Variants in GNE observed in about 807,000 individuals in gnomAD.
GNE encodes the protein bifunctional UDP-N-acetylglucosamine 2-epimerase/N-acetylmannosamine kinase.
GNE carries 41 observed loss-of-function variants against 61.8 expected under a neutral mutation model. The ratio of observed to expected loss-of-function variants is 0.66; its 90% CI spans 0.52 to 0.86. The LOEUF (loss-of-function observed/expected upper bound fraction) is 0.86, where lower values mean the gene tolerates loss of function less well. Ranked by LOEUF, GNE falls within the 40% of genes least tolerant of loss-of-function variation. GNE has a pLI of 0.00. For missense variants in GNE, 608 were observed against 909.1 expected, an observed-to-expected ratio of 0.67 and a Z score of 4.26; for synonymous variants, 264 against 326.4, an observed-to-expected ratio of 0.81 and a Z score of 2.06.
chr9:36,266,648 G>A (rs1830803084), intron 1 of GNE, among the ~76,000 whole-genome samples: 1 of 152,138 alleles, frequency 6.6e-6, no homozygotes, highest in East Asian at 1.9e-4. Flanking sequence ...GGTGGCTCAC[G>A]CCTGTAATCC....
intron 7 of GNE, among the ~76,000 whole-genome samples, chr9:36,224,305 A>G (rs527606715): frequency 6.6e-6 from 1 of 152,080 alleles, no homozygotes; most frequent in South Asian, 2.1e-4. Context: ...ATGTTGGCAC[A>G]TGCCTGTAGT....
intron 5 of GNE, 32 bp from the exon 6 acceptor site, chr9:36,229,140 T>G: frequency 8.5e-7 from 1 of 1,178,082 alleles, no homozygotes. Context: ...TTACAAGGAT[T>G]TGGAAGTGGG....
At chr9:36,225,974 T>C (rs910812844) in intron 7 of GNE, among the ~76,000 whole-genome samples, 2 of 152,156 alleles carry the variant, frequency 1.3e-5, no homozygotes, top group Admixed American at 6.6e-5. Flanking sequence ...TGTTTTACCC[T>C]ATCAATAATC....
At chr9:36,233,572 C>G (rs1829266441) in intron 5 of GNE, among the ~76,000 whole-genome samples, 1 of 151,836 alleles carries the variant, frequency 6.6e-6, no homozygotes, top group African/African-American at 2.4e-5. Flanking sequence ...GAGCCTGAGG[C>G]AGGAGAATGG....
intron 5 of GNE, among the ~76,000 whole-genome samples, chr9:36,230,468 T>C (rs1195840555): frequency 4.1e-5 from 6 of 146,444 alleles, no homozygotes; most frequent in African/African-American, 1.5e-4. Flanking sequence ...TTACAAGTCT[T>C]TTTTTTTTTG....
chr9:36,264,218 C>T (rs1563959061), intron 1 of GNE, among the ~76,000 whole-genome samples: 1 of 152,034 alleles, frequency 6.6e-6, no homozygotes, highest in East Asian at 1.9e-4. Flanking sequence ...CTGCAACCTC[C>T]ACCTCCCAGG....
intron 1 of GNE, chr9:36,265,412 G>GT: frequency 4.4e-6 from 2 of 456,608 alleles, no homozygotes; most frequent in South Asian, 1.5e-5. Context: ...CTGCCATGTT[G>GT]TTTTCTAGGG....
At chr9:36,234,579 A>G (rs1192793008) in intron 4 of GNE, among the ~76,000 whole-genome samples, 1 of 152,112 alleles carries the variant, frequency 6.6e-6, no homozygotes, top group African/African-American at 2.4e-5. Flanking sequence ...TAGCACTCCC[A>G]TTTATATGAA....
intron 1 of GNE, chr9:36,265,567 C>T (rs942376041): frequency 5.5e-5 from 24 of 433,530 alleles, no homozygotes; most frequent in Non-Finnish European, 1.1e-4. Context: ...AATATCTTTC[C>T]CTAGCTGGTA....
At chr9:36,245,411 G>A (rs1023016681) in intron 3 of GNE, among the ~76,000 whole-genome samples, 1 of 151,240 alleles carries the variant, frequency 6.6e-6, no homozygotes. Context: ...ACAGCTGGGT[G>A]CAGTGGCTCA....
At chr9:36,228,225 T>A (rs1828983336) in intron 6 of GNE, among the ~76,000 whole-genome samples, 1 of 151,904 alleles carries the variant, frequency 6.6e-6, no homozygotes, top group Non-Finnish European at 1.5e-5. Context: ...AATATCTAGA[T>A]CTCTTCAGCA....
upstream of GNE, chr9:36,258,505 G>C (rs1228407528): frequency 3.0e-6 from 3 of 985,452 alleles, no homozygotes; most frequent in Non-Finnish European, 3.6e-6. Context: ...CCCACCCGGA[G>C]TGCCGAATCC....
At chr9:36,263,454 C>T (rs779240180) in intron 1 of GNE, 4 of 155,842 alleles carry the variant, frequency 2.6e-5, no homozygotes, top group Non-Finnish European at 5.8e-5. Flanking sequence ...TATGAGCCAC[C>T]GCGCCCGACC....
At chr9:36,273,237 A>G (rs1831112594) in intron 1 of GNE, among the ~76,000 whole-genome samples, 1 of 84,118 alleles carries the variant, frequency 1.2e-5, no homozygotes, top group South Asian at 3.1e-4. Context: ...TTTTTTTTTG[A>G]GACAATGTCT....
intron 3 of GNE, among the ~76,000 whole-genome samples, chr9:36,239,894 A>G (rs1829563516): frequency 6.6e-6 from 1 of 151,346 alleles, no homozygotes; most frequent in Non-Finnish European, 1.5e-5. Context: ...TATTTTACTT[A>G]TTTTATTTTA....
At chr9:36,238,693 C>G (rs1829509280) in intron 3 of GNE, among the ~76,000 whole-genome samples, 1 of 152,124 alleles carries the variant, frequency 6.6e-6, no homozygotes, top group Non-Finnish European at 1.5e-5. Flanking sequence ...CTGTGGTTGT[C>G]TGTTTACTCT....
chr9:36,260,097 G>C (rs892654183), upstream of GNE, among the ~76,000 whole-genome samples: 1 of 151,970 alleles, frequency 6.6e-6, no homozygotes, highest in Non-Finnish European at 1.5e-5. Context: ...TTAGATATAA[G>C]GGGATGACAG....
rs1269206028 is a variant in GNE at position 36,253,162 on chromosome 9, A to AAT, written c.-42-3767_-42-3766dup. 1.7e-4 allele frequency among the ~76,000 whole-genome samples: 26 copies of AAT among 150,980 alleles called. No homozygotes were observed. In the East Asian group the frequency reaches 2.5e-3, roughly 15 times the overall value. ...GGGCAACAGAATAAGTCTCTATCTA[A>AAT]ATATATATATATATGATGTGTATAT... On this transcript the variant is annotated intron_variant, in intron 1 of 11. Coordinates refer to ENST00000642385, the MANE Select transcript of GNE (RefSeq NM_005476.7).
At chr9:36,270,035 C>T (rs1830962536) in intron 1 of GNE, among the ~76,000 whole-genome samples, 1 of 152,124 alleles carries the variant, frequency 6.6e-6, no homozygotes, top group African/African-American at 2.4e-5. Context: ...GGTTGTGGCT[C>T]ACTGCAGCCT....
Sources: gnomAD v4.1 joint callset for allele counts (sites outside exome capture counted in the v4.1 genomes callset) on GRCh38, gnomAD v4.1.1 for gene constraint, MANE v1.5 for transcripts, NCBI Gene and HGNC (gene_info 2026-07-23, HGNC 2026-07-21) for gene names.